The following WWOX variants were observed in gnomAD, a reference collection of about 807,000 sequenced individuals.
WWOX encodes the protein WW domain-containing oxidoreductase.
A neutral mutation model predicts 46.2 loss-of-function variants in WWOX; 69 were observed. The ratio of observed to expected loss-of-function variants is 1.49; its 90% CI spans 1.23 to 1.82. The LOEUF (loss-of-function observed/expected upper bound fraction) is 1.82. WWOX is among the 40% of genes most tolerant of loss of function. WWOX has a pLI of 0.00. For missense variants in WWOX, 919 were observed against 542.6 expected, an observed-to-expected ratio of 1.69 and a Z score of -6.89; for synonymous variants, 359 against 202.6, an observed-to-expected ratio of 1.77 and a Z score of -6.56.
intron 5 of WWOX, among the ~76,000 whole-genome samples, chr16:78,342,304 A>G (rs72794026): frequency 0.23 from 27,221 of 119,440 alleles, 8,738 homozygotes; most frequent in African/African-American, 0.38. Context: ...TCCTTTCATT[A>G]CATATCCAGT....
At chr16:79,099,694 G>C (rs1279151451) in intron 8 of WWOX, among the ~76,000 whole-genome samples, 1 of 151,860 alleles carries the variant, frequency 6.6e-6, no homozygotes, top group Non-Finnish European at 1.5e-5. Context: ...CAAATACATG[G>C]GTATGGGCCG....
chr16:78,544,940 G>T (rs1025285205), intron 8 of WWOX, among the ~76,000 whole-genome samples: 9 of 151,568 alleles, frequency 5.9e-5, no homozygotes, highest in Admixed American at 4.6e-4. Context: ...CCTTTGGGAG[G>T]CCAAGGTGGG....
At chr16:78,570,096 A>G (rs1597283532) in intron 8 of WWOX, among the ~76,000 whole-genome samples, 1 of 152,202 alleles carries the variant, frequency 6.6e-6, no homozygotes, top group Non-Finnish European at 1.5e-5. Context: ...TAACTTCTTT[A>G]TTGGTAAAAG....
chr16:78,543,337 G>A (rs536893945), intron 8 of WWOX, among the ~76,000 whole-genome samples: 17 of 152,188 alleles, frequency 1.1e-4, no homozygotes, highest in Middle Eastern at 3.2e-3. Flanking sequence ...TCATCCCCCT[G>A]TGGGCTTAGA....
In WWOX at chr16:78,349,812, A is replaced by C. The variant is rs1411143941; in HGVS notation, c.517-37048A>C. Among the ~76,000 whole-genome samples, 2 of 121,206 alleles carry C rather than the reference A, an allele frequency of 1.7e-5. 1 individual carries two copies. The highest frequency in any genetic ancestry group is 3.9e-5 in the Non-Finnish European group (2 of 50,714). The allele number at this position is 121,206 out of a possible 152,430, so 79.5% of individuals were successfully genotyped here. A position where few individuals can be genotyped will look rare whatever the true frequency, so the allele number is the denominator to read the frequency against. On this transcript the variant is annotated intron_variant, in intron 5 of 8. Coordinates refer to ENST00000566780, the MANE Select transcript of WWOX (RefSeq NM_016373.4). ...AGAAATAATTTTAGCAAGCCCAGTG[A>C]TTGGAAAACAATGACTCAACTTTGA...
chr16:78,245,902 A>G (rs969391909), intron 5 of WWOX, among the ~76,000 whole-genome samples: 8 of 152,208 alleles, frequency 5.3e-5, no homozygotes, highest in Non-Finnish European at 8.8e-5. Flanking sequence ...CATTCCAGAA[A>G]GGAGAACAAA....
chr16:78,561,582 AT>A (rs559822102), intron 8 of WWOX, among the ~76,000 whole-genome samples: 1,523 of 150,620 alleles, frequency 0.01, 23 homozygotes, highest in Middle Eastern at 0.048. Context: ...TCAAAGCCCC[AT>A]TTTTTTTTGA....
In WWOX at chr16:78,993,763, C is replaced by CA. The variant is rs201285018; in HGVS notation, c.1057-217844dup. Among the ~76,000 whole-genome samples, 182 of 152,338 alleles carry CA rather than the reference C, an allele frequency of 1.2e-3. 4 individuals carry two copies. In the East Asian group the frequency reaches 0.031, roughly 26 times the overall value. On this transcript the variant is annotated intron_variant, in intron 8 of 8. Coordinates refer to ENST00000566780, the MANE Select transcript of WWOX (RefSeq NM_016373.4). ...TTTATATAACACACTCGCCAGACTC[C>CA]ATGGCCTGAGTCCGGGGGTGGCTTT...
chr16:78,723,443 A>C (rs1290775561), intron 8 of WWOX, among the ~76,000 whole-genome samples: 1 of 134,472 alleles, frequency 7.4e-6, no homozygotes, highest in African/African-American at 2.9e-5. Flanking sequence ...AATGAACTGA[A>C]GCCACAACAG....
intron 8 of WWOX, among the ~76,000 whole-genome samples, chr16:78,658,393 C>G (rs774492865): frequency 5.4e-4 from 83 of 152,340 alleles, no homozygotes; most frequent in Admixed American, 9.8e-4. Flanking sequence ...ATTTAATCCT[C>G]ACAAGAATTC....
At chr16:78,358,276 C>T (rs962051860) in intron 5 of WWOX, among the ~76,000 whole-genome samples, 2 of 152,186 alleles carry the variant, frequency 1.3e-5, no homozygotes, top group South Asian at 2.1e-4. Flanking sequence ...TATACACTCA[C>T]ATACAAAACG....
intron 5 of WWOX, among the ~76,000 whole-genome samples, chr16:78,294,075 C>T (rs904076789): frequency 3.3e-5 from 5 of 149,992 alleles, no homozygotes; most frequent in Non-Finnish European, 5.9e-5. Context: ...TTTGGATTTC[C>T]ACACAGCCTT....
chr16:78,395,192 G>C (rs1003984395), intron 6 of WWOX, among the ~76,000 whole-genome samples: 15 of 152,190 alleles, frequency 9.9e-5, no homozygotes, highest in Non-Finnish European at 1.9e-4. Flanking sequence ...GTTGTGCTCA[G>C]AGAGGAAGTG....
chr16:78,866,101 A>G (rs1314342883), intron 8 of WWOX, among the ~76,000 whole-genome samples: 4 of 152,212 alleles, frequency 2.6e-5, no homozygotes, highest in African/African-American at 2.4e-5. Context: ...TTTTAGAGCA[A>G]TGAAAAAATT....
At chr16:79,131,082 C>T (rs1362585919) in intron 8 of WWOX, among the ~76,000 whole-genome samples, 1 of 152,144 alleles carries the variant, frequency 6.6e-6, no homozygotes, top group Non-Finnish European at 1.5e-5. Context: ...GATTTCACTC[C>T]TGAAAAGTGG....
At chr16:78,927,700 T>C (rs1385875515) in intron 8 of WWOX, among the ~76,000 whole-genome samples, 2 of 152,230 alleles carry the variant, frequency 1.3e-5, no homozygotes, top group Non-Finnish European at 2.9e-5. Flanking sequence ...CACTTATTTA[T>C]TGAGCTTACT....
At chr16:78,613,255 T>C (rs1303145439) in intron 8 of WWOX, among the ~76,000 whole-genome samples, 1 of 152,070 alleles carries the variant, frequency 6.6e-6, no homozygotes, top group Non-Finnish European at 1.5e-5. Flanking sequence ...CTCTACCTTC[T>C]CCGGGCCTAG....
intron 8 of WWOX, among the ~76,000 whole-genome samples, chr16:79,083,700 G>T (rs976556608): frequency 6.6e-6 from 1 of 152,152 alleles, no homozygotes; most frequent in African/African-American, 2.4e-5. Context: ...ACGGTAAACC[G>T]ATCACTAACA....
intron 8 of WWOX, chr16:79,106,805 C>CTTTTTTTTTTTTTTTT (rs75277633): frequency 8.8e-6 from 1 of 113,424 alleles, no homozygotes; most frequent in African/African-American, 3.2e-5. Flanking sequence ...AACTTTTTTT[C>CTTTTTTTTTTTTTTTT]TTTTTTTTTT....
Sources: gnomAD v4.1 joint callset for allele counts (sites outside exome capture counted in the v4.1 genomes callset) on GRCh38, gnomAD v4.1.1 for gene constraint, MANE v1.5 for transcripts, NCBI Gene and HGNC (gene_info 2026-07-23, HGNC 2026-07-21) for gene names.